ADAM22: variants seen among roughly 807,000 people sequenced by gnomAD.
The protein encoded by ADAM22 is disintegrin and metalloproteinase domain-containing protein 22.
ADAM22 carries 65 observed loss-of-function variants against 144.6 expected under a neutral mutation model. The observed-to-expected ratio is 0.45, with a 90% CI of 0.37 to 0.55. The LOEUF is 0.55. ADAM22 is among the 20% of genes least tolerant of loss of function. The probability of loss-of-function intolerance (pLI) is 0.00; values close to 1 mark genes in which losing one functional copy is unlikely to be tolerated. For synonymous variants in ADAM22, 391 were observed against 412.6 expected (o/e 0.95, Z 0.63); for missense variants, 974 against 1,184.9 (o/e 0.82, Z 2.61).
chr7:87,945,064 C>G (rs1843357897), intron 2 of ADAM22, among the ~76,000 whole-genome samples: 1 of 151,962 alleles, frequency 6.6e-6, no homozygotes, highest in South Asian at 2.1e-4. Context: ...GGGCTTCACA[C>G]TTCTCCCCAT....
chr7:87,939,057 G>A (rs1046404159), intron 2 of ADAM22, among the ~76,000 whole-genome samples: 3 of 152,226 alleles, frequency 2.0e-5, no homozygotes, highest in African/African-American at 7.2e-5. Context: ...TCTTAAAGAC[G>A]TGGAAGATGA....
intron 14 of ADAM22, among the ~76,000 whole-genome samples, chr7:88,138,342 C>A (rs1833559838): frequency 6.6e-6 from 1 of 152,146 alleles, no homozygotes; most frequent in Non-Finnish European, 1.5e-5. Context: ...AATAGATAAT[C>A]TGCATAGCAC....
chr7:88,096,820 C>T (rs564438598), intron 4 of ADAM22, among the ~76,000 whole-genome samples: 1 of 152,144 alleles, frequency 6.6e-6, no homozygotes, highest in East Asian at 1.9e-4. Flanking sequence ...ACATAAGTAA[C>T]AGAAATAGTG....
chr7:88,039,493 T>C (rs1415688856), intron 3 of ADAM22, among the ~76,000 whole-genome samples: 1 of 132,986 alleles, frequency 7.5e-6, no homozygotes, highest in Non-Finnish European at 1.6e-5. Context: ...ATACATTTCA[T>C]GTACGGTGGC....
intron 3 of ADAM22, among the ~76,000 whole-genome samples, chr7:87,993,091 A>G (rs1366538359): frequency 6.6e-6 from 1 of 152,134 alleles, no homozygotes; most frequent in East Asian, 1.9e-4. Flanking sequence ...TATGGGGTGG[A>G]TATTGGAGAG....
chr7:88,103,268 C>A (rs1454661166), intron 4 of ADAM22, among the ~76,000 whole-genome samples: 4 of 152,062 alleles, frequency 2.6e-5, no homozygotes, highest in Non-Finnish European at 5.9e-5. Context: ...TTAGGTTTTC[C>A]TCATTTTATG....
At chr7:87,989,654 G>T (rs182630265) in intron 3 of ADAM22, among the ~76,000 whole-genome samples, 1 of 152,162 alleles carries the variant, frequency 6.6e-6, no homozygotes. Flanking sequence ...GGTGGCTCAC[G>T]CCTATAATCC....
intron 2 of ADAM22, among the ~76,000 whole-genome samples, chr7:87,937,772 G>C (rs1841582003): frequency 1.3e-5 from 2 of 152,164 alleles, no homozygotes; most frequent in South Asian, 4.1e-4. Context: ...GAATGAATTG[G>C]TAGGATTTAG....
chr7:88,062,381 C>T (rs1310361024), intron 3 of ADAM22, among the ~76,000 whole-genome samples: 3 of 152,232 alleles, frequency 2.0e-5, no homozygotes, highest in Non-Finnish European at 4.4e-5. Context: ...CTTTAAACCT[C>T]ATCAAGCAGC....
At chr7:87,967,331 T>A (rs928925093) in intron 2 of ADAM22, among the ~76,000 whole-genome samples, 11 of 152,312 alleles carry the variant, frequency 7.2e-5, no homozygotes, top group African/African-American at 2.6e-4. Flanking sequence ...TCCATGAGAA[T>A]TGGCCATACT....
chr7:87,934,459 C>T lies in ADAM22; in HGVS notation c.-7C>T. On this transcript the variant is annotated 5_prime_UTR_variant, in exon 1 of 32. Coordinates refer to ENST00000413139, the MANE Select transcript of ADAM22 (RefSeq NM_001324418.2). Reference sequence around the variant, plus strand: ...CGTCTCGGGCGAGGCGGGCTGACGGCAGCACCATGCAGGCGGCAGTGGCTG... The same window carrying T: ...CGTCTCGGGCGAGGCGGGCTGACGGTAGCACCATGCAGGCGGCAGTGGCTG... 6.3e-7 allele frequency: 1 copy of T among 1,589,752 alleles called. No homozygotes were observed. Among genetic ancestry groups the T allele is most frequent in the Non-Finnish European group, 8.5e-7 (1 of 1,172,402 alleles).
At chr7:87,981,874 T>A (rs1049613438) in intron 3 of ADAM22, among the ~76,000 whole-genome samples, 2 of 96,502 alleles carry the variant, frequency 2.1e-5, no homozygotes, top group Admixed American at 1.8e-4. Flanking sequence ...TATGTGATAA[T>A]AATGATAACA....
chr7:87,957,512 CCCTT>C (rs1847061746), intron 2 of ADAM22, among the ~76,000 whole-genome samples: 1 of 152,030 alleles, frequency 6.6e-6, no homozygotes, highest in Non-Finnish European at 1.5e-5. Context: ...TTCTGTTTTC[CCCTT>C]CCTTCTCAGA....
chr7:88,102,548 C>T lies in ADAM22; in HGVS notation c.391-5628C>T, dbSNP rs114043758. Reference sequence around the variant, plus strand: ...ATGGGCATTGGAATTTAAAAGCTCCCGGGTGATTCTGAAGTGCAACCAAGG... The same window carrying T: ...ATGGGCATTGGAATTTAAAAGCTCCTGGGTGATTCTGAAGTGCAACCAAGG... On this transcript the variant is annotated intron_variant, in intron 4 of 31. Coordinates refer to ENST00000413139, the MANE Select transcript of ADAM22 (RefSeq NM_001324418.2). Among the ~76,000 whole-genome samples, 456 of 152,238 alleles carry T rather than the reference C, an allele frequency of 3.0e-3. 3 individuals carry two copies. Among genetic ancestry groups the T allele is most frequent in the African/African-American group, 0.011 (439 of 41,558 alleles).
chr7:87,953,340 G>T (rs373698631), intron 2 of ADAM22, among the ~76,000 whole-genome samples: 6 of 149,902 alleles, frequency 4.0e-5, no homozygotes, highest in African/African-American at 1.2e-4. Flanking sequence ...TGGTATGTTG[G>T]GTGTTTGTTC....
At position 88,181,621 on chromosome 7, in the gene ADAM22, C is replaced by T; in HGVS notation, c.2596+16C>T. The T allele has an allele frequency of 6.3e-7, 1 of 1,596,792 alleles. No individual in the cohort carries two copies. Among genetic ancestry groups the T allele is most frequent in the Non-Finnish European group, 8.6e-7 (1 of 1,164,992 alleles). The stretch of plus-strand genomic sequence containing the variant: ...TCTTGGCAAGGTAGAGGCTGGCATT[C>T]TGAATCTGTCTGTCCACATAATCAA... On this transcript the variant is annotated intron_variant, in intron 28 of 31. Coordinates refer to ENST00000413139, the MANE Select transcript of ADAM22 (RefSeq NM_001324418.2).
intron 2 of ADAM22, among the ~76,000 whole-genome samples, chr7:87,972,158 C>T (rs559168659): frequency 2.6e-4 from 39 of 151,610 alleles, no homozygotes; most frequent in South Asian, 1.0e-3. Context: ...TGTTTGCAGA[C>T]GACATGATTG....
At chr7:88,025,869 T>C (rs1798912006) in intron 3 of ADAM22, among the ~76,000 whole-genome samples, 1 of 151,570 alleles carries the variant, frequency 6.6e-6, no homozygotes, top group African/African-American at 2.4e-5. Context: ...TGGTTCCACA[T>C]AAATTTTAGG....
chr7:88,181,806 G>T (rs2129538193), intron 28 of ADAM22, 152 bp from the exon 29 acceptor site: 1 of 828,852 alleles, frequency 1.2e-6, no homozygotes, highest in Non-Finnish European at 1.9e-6. Context: ...GACACTTTGT[G>T]AAATTTAATT....
Sources: gnomAD v4.1 joint callset for allele counts (sites outside exome capture counted in the v4.1 genomes callset) on GRCh38, gnomAD v4.1.1 for gene constraint, MANE v1.5 for transcripts, NCBI Gene and HGNC (gene_info 2026-07-23, HGNC 2026-07-21) for gene names.